LARS2: variants seen among roughly 807,000 people sequenced by gnomAD.
LARS2 encodes the protein leucyl-tRNA synthetase 2, mitochondrial, also known as leucine--tRNA ligase, mitochondrial.
LARS2 carries 81 observed loss-of-function variants against 116.6 expected under a neutral mutation model. That is an observed-to-expected ratio of 0.69 (90% CI 0.58 to 0.84). The LOEUF (loss-of-function observed/expected upper bound fraction) is 0.84. Among genes scored for constraint, LARS2 ranks in the 40% least tolerant of loss-of-function variants. LARS2 has a pLI of 0.00. For synonymous variants in LARS2, 396 were observed against 407.2 expected, an observed-to-expected ratio of 0.97 and a Z score of 0.33; for missense variants, 968 against 1,114.5, an observed-to-expected ratio of 0.87 and a Z score of 1.87.
intron 20 of LARS2, among the ~76,000 whole-genome samples, chr3:45,533,336 G>C (rs57647724): frequency 6.6e-6 from 1 of 151,652 alleles, no homozygotes; most frequent in East Asian, 1.9e-4. Context: ...ATTTTTAGTA[G>C]AGACGGGGTT....
intron 11 of LARS2, among the ~76,000 whole-genome samples, chr3:45,488,298 T>G (rs1053822502): frequency 1.3e-5 from 2 of 152,080 alleles, no homozygotes; most frequent in African/African-American, 4.8e-5. Flanking sequence ...CCAGGCATGG[T>G]AGCGCACGCC....
At chr3:45,499,543 G>A (rs542707759) in intron 14 of LARS2, among the ~76,000 whole-genome samples, 2 of 152,306 alleles carry the variant, frequency 1.3e-5, no homozygotes, top group African/African-American at 4.8e-5. Flanking sequence ...GATCGCTTGA[G>A]CCCAGGAGTT....
chr3:45,513,730 A>C (rs28374535), intron 16 of LARS2, among the ~76,000 whole-genome samples: 1,655 of 152,092 alleles, frequency 0.011, 26 homozygotes, highest in African/African-American at 0.038. Context: ...CCTCCCCCTG[A>C]TTCCCCGAAC....
At position 45,478,540 on chromosome 3, in the gene LARS2, G is replaced by A. The variant is rs115666754; in HGVS notation, c.1018+1913G>A. On this transcript the variant is annotated intron_variant, in intron 10 of 21. Coordinates refer to ENST00000645846, the MANE Select transcript of LARS2 (RefSeq NM_015340.4). ...AAATTTTTTTTAGTACACGCAAACA[G>A]CACTGTTTTCATGAACACATGGATA... Among the ~76,000 whole-genome samples, 944 of 152,260 alleles carry A rather than the reference G, an allele frequency of 6.2e-3. 3 individuals carry two copies. Among genetic ancestry groups the A allele is most frequent in the Non-Finnish European group, 9.7e-3 (661 of 68,020 alleles).
At chr3:45,472,438 A>G (rs1001239161) in intron 8 of LARS2, among the ~76,000 whole-genome samples, 2 of 152,196 alleles carry the variant, frequency 1.3e-5, no homozygotes, top group Non-Finnish European at 2.9e-5. Flanking sequence ...TAGCTGAGTG[A>G]TATGGGGCAG....
intron 14 of LARS2, among the ~76,000 whole-genome samples, chr3:45,499,595 G>A (rs925119949): frequency 3.9e-5 from 6 of 152,094 alleles, no homozygotes; most frequent in Admixed American, 6.5e-5. Context: ...GCGCTCCAGC[G>A]TGGGTGACCA....
intron 15 of LARS2, among the ~76,000 whole-genome samples, chr3:45,501,804 G>GATACCTTCTCA (rs1553636027): frequency 2.2e-4 from 33 of 152,140 alleles, no homozygotes; most frequent in Admixed American, 3.9e-4. Context: ...GTAGAAATGA[G>GATACCTTCTCA]GGATCCGATC....
rs372266936 is a variant in LARS2 at position 45,406,963 on chromosome 3, C to T, written c.363+6590C>T. Among the ~76,000 whole-genome samples the T allele has an allele frequency of 1.1e-4, 16 of 152,292 alleles. No homozygotes were observed. The South Asian group carries it at 1.2e-3, about 12-fold the overall frequency. On this transcript the variant is annotated intron_variant, in intron 4 of 21. Coordinates refer to ENST00000645846, the MANE Select transcript of LARS2 (RefSeq NM_015340.4). ...AAATAAAATTCCCCACCTCCCACCTCGGCTGGTCTCCCCAGCACCTTCTGG... is the reference window on the plus strand; with the variant it reads ...AAATAAAATTCCCCACCTCCCACCTTGGCTGGTCTCCCCAGCACCTTCTGG...
intron 15 of LARS2, among the ~76,000 whole-genome samples, chr3:45,501,886 G>A (rs1700128379): frequency 1.3e-5 from 2 of 149,716 alleles, no homozygotes; most frequent in South Asian, 4.2e-4. Context: ...TATATAATGG[G>A]TCACGTTGTG....
chr3:45,541,930 C>G lies in LARS2; in HGVS notation c.2506C>G (p.Pro836Ala), dbSNP rs765716312. The G allele has an allele frequency of 9.3e-6, 15 of 1,614,226 alleles. No individual in the cohort carries two copies. In the Admixed American group the frequency reaches 2.5e-4, roughly 27 times the overall value. The change falls in exon 21 of 22, where the codon CCT becomes GCT. Residue 836 changes from proline (P) to alanine (A), a missense_variant. By Grantham distance (27) the Pro-to-Ala change is conservative (BLOSUM62 -1). Coordinates refer to ENST00000645846, the MANE Select transcript of LARS2 (RefSeq NM_015340.4). Reference sequence around the variant, plus strand: ...TGTGGACCCGGAGTTCCTGCAGCAGCCTGAGGTTGTCCAGATGGCAGTTCT... The same window carrying G: ...TGTGGACCCGGAGTTCCTGCAGCAGGCTGAGGTTGTCCAGATGGCAGTTCT... ...PAVDPEFLQQPEVVQMAVLIN... is the reference protein window; with the variant it reads ...PAVDPEFLQQAEVVQMAVLIN...
In LARS2 at chr3:45,548,534, G is replaced by A. The variant is rs1350313600; in HGVS notation, c.*1004G>A. 1 of 152,254 alleles carries A rather than the reference G, an allele frequency of 6.6e-6. No homozygotes were observed. Among genetic ancestry groups the A allele is most frequent in the African/African-American group, 2.4e-5 (1 of 41,454 alleles). The allele number at this position is 152,254 out of a possible 1,614,324, so 9.4% of individuals were successfully genotyped here. A position where few individuals can be genotyped will look rare whatever the true frequency, so the allele number is the denominator to read the frequency against. On this transcript the variant is annotated 3_prime_UTR_variant, in exon 22 of 22. Coordinates refer to ENST00000645846, the MANE Select transcript of LARS2 (RefSeq NM_015340.4). ...AGGCCCCCCAGATGTTGCCTCCGGT[G>A]TCCAAGCCACAGCGGTCTGGCTGTT...
intron 9 of LARS2, among the ~76,000 whole-genome samples, chr3:45,475,569 T>C (rs993268721): frequency 3.3e-5 from 5 of 152,192 alleles, no homozygotes; most frequent in African/African-American, 1.2e-4. Context: ...TGTGGGTCTC[T>C]GGGCCTGTCA....
intron 10 of LARS2, among the ~76,000 whole-genome samples, chr3:45,484,501 C>T (rs1165830512): frequency 2.7e-5 from 4 of 146,490 alleles, no homozygotes; most frequent in Non-Finnish European, 6.0e-5. Flanking sequence ...TACAGTGGCT[C>T]CTGCCTGTAA....
chr3:45,417,436 GTTA>G, intron 4 of LARS2, 43 bp from the exon 5 acceptor site: 1 of 1,375,390 alleles, frequency 7.3e-7, no homozygotes, highest in Non-Finnish European at 1.0e-6. Context: ...TACCAATGGA[GTTA>G]TTAATGATTT....
chr3:45,485,272 G>C (rs1341064513), intron 10 of LARS2, among the ~76,000 whole-genome samples: 2 of 152,074 alleles, frequency 1.3e-5, no homozygotes, highest in African/African-American at 4.8e-5. Flanking sequence ...CCTTCTTTCT[G>C]CTCAGTCATT....
At chr3:45,440,938 C>A (rs1434340597) in intron 6 of LARS2, among the ~76,000 whole-genome samples, 1 of 149,044 alleles carries the variant, frequency 6.7e-6, no homozygotes. Context: ...TTGTGCCTTA[C>A]CCCAGTAGGC....
chr3:45,498,193 C>G (rs11721185), intron 14 of LARS2, among the ~76,000 whole-genome samples: 3 of 152,056 alleles, frequency 2.0e-5, no homozygotes, highest in Non-Finnish European at 4.4e-5. Flanking sequence ...GTTACCGTGG[C>G]GGGAGAGACA....
chr3:45,477,397 TCTA>T (rs2125720644), intron 10 of LARS2, among the ~76,000 whole-genome samples: 1 of 152,342 alleles, frequency 6.6e-6, no homozygotes, highest in East Asian at 1.9e-4. Context: ...TGTCAGTAAT[TCTA>T]CTCTAACACC....
intron 3 of LARS2, among the ~76,000 whole-genome samples, chr3:45,397,867 A>G (rs1030948684): frequency 5.9e-5 from 9 of 152,210 alleles, no homozygotes; most frequent in African/African-American, 1.9e-4. Context: ...TAAGCTGAGA[A>G]GGTTATCTGC....
Sources: gnomAD v4.1 joint callset for allele counts (sites outside exome capture counted in the v4.1 genomes callset) on GRCh38, gnomAD v4.1.1 for gene constraint, MANE v1.5 for transcripts, NCBI Gene and HGNC (gene_info 2026-07-23, HGNC 2026-07-21) for gene names.